Variants in RFWD3 observed in about 807,000 individuals in gnomAD.
The protein encoded by RFWD3 is ring finger and WD repeat domain 3.
RFWD3 carries 65 observed loss-of-function variants against 87.7 expected under a neutral mutation model. The observed-to-expected ratio is 0.74, with a 90% CI of 0.61 to 0.91. The LOEUF (loss-of-function observed/expected upper bound fraction) is 0.91, where lower values mean the gene tolerates loss of function less well. Ranked by LOEUF, RFWD3 falls within the 40% of genes least tolerant of loss-of-function variation. The pLI, the probability that RFWD3 is intolerant of heterozygous loss-of-function variation, is 0.00. For missense variants in RFWD3, 1,078 were observed against 938.5 expected (o/e 1.15, Z -1.94); for synonymous variants, 433 against 352.8 (o/e 1.23, Z -2.55).
intron 4 of RFWD3, among the ~76,000 whole-genome samples, chr16:74,648,841 T>A (rs901014233): frequency 6.6e-6 from 1 of 151,800 alleles, no homozygotes; most frequent in African/African-American, 2.4e-5. Context: ...ATCTCAATGG[T>A]TTGGGAGGCC....
chr16:74,632,198 G>A (rs1244925763), intron 9 of RFWD3, among the ~76,000 whole-genome samples: 1 of 151,712 alleles, frequency 6.6e-6, no homozygotes, highest in East Asian at 2.0e-4. Context: ...AGCCCATCCT[G>A]GCTAACACAG....
At chr16:74,656,484 CTTTT>C (rs890744411) in intron 2 of RFWD3, among the ~76,000 whole-genome samples, 3 of 150,874 alleles carry the variant, frequency 2.0e-5, no homozygotes, top group African/African-American at 7.3e-5. Flanking sequence ...ATCCACCATT[CTTTT>C]TTTTTCTTTT....
At chr16:74,624,164 G>C in intron 12 of RFWD3, 93 bp from the exon 13 acceptor site, 2 of 1,427,146 alleles carry the variant, frequency 1.4e-6, no homozygotes, top group East Asian at 4.9e-5. Context: ...AAAGGCTGCA[G>C]AGAGAACACT....
intron 11 of RFWD3, among the ~76,000 whole-genome samples, 167 bp from the exon 12 acceptor site, chr16:74,626,721 A>G (rs185680132): frequency 2.0e-5 from 3 of 152,322 alleles, no homozygotes; most frequent in East Asian, 1.9e-4. Flanking sequence ...CACAGCATCA[A>G]TGAAATTTAG....
In RFWD3 at chr16:74,622,411, G is replaced by A. The variant is rs1166928505; in HGVS notation, c.*1517C>T. ...AGGCTGAGGTGGGAGGATTGCTTGAGGCCAGGAGTCCAAGACCAGCCTGGA... is the reference window on the plus strand; with the variant it reads ...AGGCTGAGGTGGGAGGATTGCTTGAAGCCAGGAGTCCAAGACCAGCCTGGA... On this transcript the variant is annotated 3_prime_UTR_variant, in exon 13 of 13. Coordinates refer to ENST00000361070, the MANE Select transcript of RFWD3 (RefSeq NM_018124.4). 6.6e-6 allele frequency: 1 copy of A among 152,104 alleles called. No homozygotes were observed. Among genetic ancestry groups the A allele is most frequent in the African/African-American group, 2.4e-5 (1 of 41,408 alleles). The allele number at this position is 152,104 out of a possible 1,614,324, so 9.4% of individuals were successfully genotyped here. A position where few individuals can be genotyped will look rare whatever the true frequency, so the allele number is the denominator to read the frequency against.
intron 6 of RFWD3, among the ~76,000 whole-genome samples, chr16:74,640,313 T>C (rs1416436382): frequency 2.0e-5 from 3 of 151,872 alleles, no homozygotes; most frequent in Non-Finnish European, 4.4e-5. Flanking sequence ...GCCCAGCTAA[T>C]TTTTGTATTC....
At chr16:74,631,213 G>C (rs1004078808) in intron 9 of RFWD3, among the ~76,000 whole-genome samples, 1 of 152,170 alleles carries the variant, frequency 6.6e-6, no homozygotes, top group Non-Finnish European at 1.5e-5. Context: ...GCTGGACATG[G>C]TGGCTCATGC....
intron 3 of RFWD3, 84 bp downstream of exon 3, chr16:74,651,836 A>G: frequency 8.1e-7 from 1 of 1,229,084 alleles, no homozygotes; most frequent in Non-Finnish European, 1.2e-6. Context: ...AAAGTGTCAA[A>G]GCACAAATCT....
intron 2 of RFWD3, among the ~76,000 whole-genome samples, chr16:74,657,474 TTTTC>T (rs201260391): frequency 0.14 from 14,155 of 101,360 alleles, 818 homozygotes; most frequent in Admixed American, 0.27. Flanking sequence ...CAGGTTTTCT[TTTTC>T]TTTTTTTTTT....
intron 2 of RFWD3, among the ~76,000 whole-genome samples, chr16:74,653,538 T>C (rs1202742668): frequency 2.7e-5 from 4 of 150,456 alleles, no homozygotes; most frequent in Non-Finnish European, 5.9e-5. Flanking sequence ...AATGGCTGAG[T>C]TTGGTGGCTT....
rs1371342854 is a variant in RFWD3 at position 74,660,910 on chromosome 16, A to T, written c.518+22T>A. 1.9e-6 allele frequency: 3 copies of T among 1,597,088 alleles called. No individual in the cohort carries two copies. In the East Asian group the frequency reaches 6.7e-5, roughly 36 times the overall value. ...ATTTCTAGTACAGCAATGATCACAGACTTATCCATATATTTATTTACCTGG... is the reference window on the plus strand; with the variant it reads ...ATTTCTAGTACAGCAATGATCACAGTCTTATCCATATATTTATTTACCTGG... On this transcript the variant is annotated intron_variant, in intron 2 of 12. Transcript: ENST00000361070.
At chr16:74,660,154 C>T (rs1961308578) in intron 2 of RFWD3, among the ~76,000 whole-genome samples, 1 of 152,202 alleles carries the variant, frequency 6.6e-6, no homozygotes, top group Admixed American at 6.5e-5. Flanking sequence ...GATCCAGGCT[C>T]CAATATCAGT....
At chr16:74,643,140 T>C (rs1242006828) in intron 6 of RFWD3, among the ~76,000 whole-genome samples, 2 of 152,172 alleles carry the variant, frequency 1.3e-5, no homozygotes, top group Non-Finnish European at 2.9e-5. Context: ...TAGAGCTTTT[T>C]TTCTTTCTTT....
At chr16:74,634,523 C>G (rs1249323850) in intron 8 of RFWD3, among the ~76,000 whole-genome samples, 1 of 151,950 alleles carries the variant, frequency 6.6e-6, no homozygotes, top group Non-Finnish European at 1.5e-5. Flanking sequence ...TAGCTGGGAC[C>G]AGAGAGGTGT....
At chr16:74,641,932 A>C (rs77676738) in intron 6 of RFWD3, among the ~76,000 whole-genome samples, 1 of 104,130 alleles carries the variant, frequency 9.6e-6, no homozygotes, top group Admixed American at 1.2e-4. Flanking sequence ...CGTCTCCAAA[A>C]AAAAAAAAAA....
chr16:74,626,278 T>C (rs1453463191), intron 12 of RFWD3, 65 bp downstream of exon 12: 1 of 1,469,042 alleles, frequency 6.8e-7, no homozygotes, highest in Non-Finnish European at 9.5e-7. Context: ...AAGTTCATGT[T>C]TTCCCTTACC....
Position 74,644,355 on chromosome 16 carries a change from C to CACCTACCT in RFWD3, c.1078_1079+6dup. Reference sequence around the variant, plus strand: ...ACATTCCAGCCAGGCATACTCTTACCACCTACCTTTTCATGCGCTCCTGTT... The same window carrying CACCTACCT: ...ACATTCCAGCCAGGCATACTCTTACCACCTACCTACCTACCTTTTCATGCGCTCCTGTT... On this transcript the variant is annotated splice_region_variant and intron_variant, in intron 6 of 12. Transcript: ENST00000361070. 6.2e-7 allele frequency: 1 copy of CACCTACCT among 1,613,716 alleles called. No individual in the cohort carries two copies. Among genetic ancestry groups the CACCTACCT allele is most frequent in the Admixed American group, 1.7e-5 (1 of 60,010 alleles).
At chr16:74,656,441 A>G (rs1332457287) in intron 2 of RFWD3, among the ~76,000 whole-genome samples, 1 of 151,340 alleles carries the variant, frequency 6.6e-6, no homozygotes, top group Non-Finnish European at 1.5e-5. Context: ...CCTCTAATGG[A>G]TCTGGACAAA....
At chr16:74,656,327 A>AG (rs1411832911) in intron 2 of RFWD3, among the ~76,000 whole-genome samples, 10 of 151,402 alleles carry the variant, frequency 6.6e-5, no homozygotes, top group South Asian at 2.1e-4. Flanking sequence ...AAAAAAAAAA[A>AG]AAAAGAAAAG....
Sources: allele counts gnomAD v4.1 joint callset (sites outside exome capture counted in the v4.1 genomes callset), GRCh38; gene constraint gnomAD v4.1.1; transcripts MANE v1.5; gene names NCBI Gene and HGNC (gene_info 2026-07-23, HGNC 2026-07-21).